Variants in TMEM132D observed in about 807,000 individuals in gnomAD.
TMEM132D encodes mature OL transmembrane protein.
In TMEM132D, 21 loss-of-function variants were observed where a neutral mutation model predicts 62.3. The observed-to-expected ratio is 0.34, with a 90% CI of 0.24 to 0.49. The LOEUF is 0.49. Ranked by LOEUF, TMEM132D falls within the 20% of genes least tolerant of loss-of-function variation. The probability of loss-of-function intolerance (pLI) is 0.99; values close to 1 mark genes in which losing one functional copy is unlikely to be tolerated. For missense variants in TMEM132D, 1,346 were observed against 1,402.8 expected (o/e 0.96, Z 0.65); for synonymous variants, 621 against 575.6 (o/e 1.08, Z -1.13).
Position 129,073,747 on chromosome 12 carries a change from G to T in TMEM132D, c.*128C>A. 1.2e-6 allele frequency: 1 copy of T among 851,394 alleles called. No individual in the cohort carries two copies. The highest frequency in any genetic ancestry group is 1.8e-6 in the Non-Finnish European group (1 of 555,972). The allele number at this position is 851,394 out of a possible 1,614,324, so 52.7% of individuals were successfully genotyped here. The stretch of plus-strand genomic sequence containing the variant: ...CCGCCGAGCCGGGGTCATTGGCTGA[G>T]GCTGTATGGATAGTGTCATCCTTAT... On this transcript the variant is annotated 3_prime_UTR_variant, in exon 9 of 9. Transcript: ENST00000422113.
intron 3 of TMEM132D, among the ~76,000 whole-genome samples, chr12:129,379,618 G>C (rs897898783): frequency 2.6e-5 from 4 of 152,124 alleles, no homozygotes; most frequent in African/African-American, 9.7e-5. Flanking sequence ...TGTTTTTACT[G>C]GTGCTGTCAC....
chr12:129,345,431 G>A (rs1024004098), intron 3 of TMEM132D, among the ~76,000 whole-genome samples: 3 of 152,106 alleles, frequency 2.0e-5, no homozygotes, highest in Non-Finnish European at 4.4e-5. Flanking sequence ...ATGTATTCTC[G>A]AACACTGGGA....
At chr12:129,853,192 A>C (rs1312644358) in intron 1 of TMEM132D, 1 of 152,192 alleles carries the variant, frequency 6.6e-6, no homozygotes, top group East Asian at 1.9e-4. Flanking sequence ...GTCCACAGTC[A>C]CAGAGGGAAA....
At chr12:129,520,601 G>C (rs562646277) in intron 3 of TMEM132D, among the ~76,000 whole-genome samples, 1 of 152,126 alleles carries the variant, frequency 6.6e-6, no homozygotes, top group Non-Finnish European at 1.5e-5. Flanking sequence ...TGAAAAGATT[G>C]TTATTGTCAG....
rs117653896 is a variant in TMEM132D at position 129,466,224 on chromosome 12, C to G, written c.1115+64835G>C. On this transcript the variant is annotated intron_variant, in intron 3 of 8. Transcript: ENST00000422113. ...TGTTTCTGCTCTCTCATGCAGGTCA[C>G]TAGAAAGTTGGTGTTACACGGAGAA... is the stretch of plus-strand genomic sequence containing the variant. Among the ~76,000 whole-genome samples, 166 of 149,708 alleles carry G rather than the reference C, an allele frequency of 1.1e-3. 1 individual carries two copies. In the East Asian group the frequency reaches 0.026, roughly 23 times the overall value.
intron 1 of TMEM132D, among the ~76,000 whole-genome samples, chr12:129,722,499 G>T (rs932660509): frequency 6.6e-6 from 1 of 152,154 alleles, no homozygotes; most frequent in Non-Finnish European, 1.5e-5. Context: ...ATTACAGAAA[G>T]GCCTAGTCCT....
intron 3 of TMEM132D, among the ~76,000 whole-genome samples, chr12:129,379,881 A>G (rs1007043040): frequency 6.6e-6 from 1 of 152,204 alleles, no homozygotes; most frequent in African/African-American, 2.4e-5. Context: ...ATGGGTCATG[A>G]TAATTTACAT....
intron 2 of TMEM132D, among the ~76,000 whole-genome samples, chr12:129,697,990 G>C (rs557677721): frequency 6.6e-6 from 1 of 152,080 alleles, no homozygotes; most frequent in East Asian, 1.9e-4. Context: ...TTAATCCTGC[G>C]TTCAGAAAAT....
intron 4 of TMEM132D, among the ~76,000 whole-genome samples, chr12:129,227,706 A>G (rs7139264): frequency 0.71 from 107,645 of 151,618 alleles, 38,823 homozygotes; most frequent in East Asian, 0.98. Context: ...CCATTAACTC[A>G]TCATTTACAT....
intron 1 of TMEM132D, among the ~76,000 whole-genome samples, chr12:129,875,463 G>A (rs926686053): frequency 7.2e-5 from 11 of 152,186 alleles, no homozygotes; most frequent in African/African-American, 1.4e-4. Context: ...CCGGCTCTGC[G>A]TTGCCGACGT....
chr12:129,480,561 C>T (rs1395086618), intron 3 of TMEM132D, among the ~76,000 whole-genome samples: 10 of 152,142 alleles, frequency 6.6e-5, no homozygotes, highest in Admixed American at 6.6e-4. Context: ...GTCCCACAGA[C>T]CTTTCTGCAG....
intron 1 of TMEM132D, among the ~76,000 whole-genome samples, chr12:129,881,488 T>C (rs1346854322): frequency 6.6e-6 from 1 of 152,038 alleles, no homozygotes; most frequent in African/African-American, 2.4e-5. Flanking sequence ...ATTAACATCC[T>C]ACAAAGTATA....
At chr12:129,399,861 G>A (rs933894449) in intron 3 of TMEM132D, among the ~76,000 whole-genome samples, 3 of 151,804 alleles carry the variant, frequency 2.0e-5, no homozygotes, top group Non-Finnish European at 4.4e-5. Context: ...AAAGCAGTTT[G>A]GAAAGAGTTG....
rs1043198385 is a variant in TMEM132D at position 129,700,491 on chromosome 12, C to T, written c.287G>A (p.Ser96Asn). Residue 96 changes from serine to asparagine, a missense_variant, in exon 2 of 9, where the codon AGC becomes AAC. Physicochemically the swap from Ser to Asn is conservative, Grantham distance 46. Transcript: ENST00000422113. ...KSRRLPVLNA[S>N]YGPFSIEQVV... ...TTGCTCGATGGAGAAAGGCCCGTAG[C>T]TGGCATTGAGGACAGGCAGCCTCCT... 6.2e-7 allele frequency: 1 copy of T among 1,614,136 alleles called. No homozygotes were observed. Among genetic ancestry groups the T allele is most frequent in the South Asian group, 1.1e-5 (1 of 91,080 alleles).
At chr12:129,794,677 T>G (rs186647845) in intron 1 of TMEM132D, among the ~76,000 whole-genome samples, 63 of 152,330 alleles carry the variant, frequency 4.1e-4, no homozygotes, top group African/African-American at 1.2e-3. Context: ...GTTCCTTCAG[T>G]TTTGGGCATT....
At chr12:129,836,351 C>T (rs1297482441) in intron 1 of TMEM132D, among the ~76,000 whole-genome samples, 1 of 152,154 alleles carries the variant, frequency 6.6e-6, no homozygotes, top group African/African-American at 2.4e-5. Context: ...ATCTCAGCAT[C>T]CTCTTGAGAC....
At chr12:129,388,541 G>A (rs371829263) in intron 3 of TMEM132D, among the ~76,000 whole-genome samples, 854 of 61,458 alleles carry the variant, frequency 0.014, 113 homozygotes, top group African/African-American at 0.037. Flanking sequence ...CAGCACTGAT[G>A]ATAATATTAA....
intron 4 of TMEM132D, among the ~76,000 whole-genome samples, chr12:129,323,795 T>G (rs1243675173): frequency 6.6e-6 from 1 of 152,222 alleles, no homozygotes; most frequent in African/African-American, 2.4e-5. Flanking sequence ...AGGAGTCATC[T>G]CTTCCCTGTC....
chr12:129,681,829 T>A (rs1880785334), intron 2 of TMEM132D, among the ~76,000 whole-genome samples: 1 of 152,246 alleles, frequency 6.6e-6, no homozygotes, highest in Non-Finnish European at 1.5e-5. Context: ...ACTCTGCAGC[T>A]GTGATTGGAT....
Sources: gnomAD v4.1 joint callset for allele counts (sites outside exome capture counted in the v4.1 genomes callset) on GRCh38, gnomAD v4.1.1 for gene constraint, MANE v1.5 for transcripts, NCBI Gene and HGNC (gene_info 2026-07-23, HGNC 2026-07-21) for gene names.